Variants in PLEKHD1 observed in about 807,000 individuals in gnomAD.
PLEKHD1 encodes pleckstrin homology and coiled-coil domain containing D1.
Under a neutral mutation model 69.2 loss-of-function variants are expected in PLEKHD1, and 51 were observed. The ratio of observed to expected loss-of-function variants is 0.74; its 90% CI spans 0.59 to 0.93. The LOEUF (loss-of-function observed/expected upper bound fraction) is 0.93. Among genes scored for constraint, PLEKHD1 ranks in the 40% least tolerant of loss-of-function variants. The pLI, the probability that PLEKHD1 is intolerant of heterozygous loss-of-function variation, is 0.00. For missense variants in PLEKHD1, 584 were observed against 641.0 expected (o/e 0.91, Z 0.96); for synonymous variants, 236 against 244.7 (o/e 0.96, Z 0.33).
At chr14:69,488,952 TG>T (rs962624571) in intron 1 of PLEKHD1, among the ~76,000 whole-genome samples, 4 of 152,020 alleles carry the variant, frequency 2.6e-5, no homozygotes, top group Non-Finnish European at 5.9e-5. Flanking sequence ...AGTGAATCCT[TG>T]GGTTAGGGAG....
chr14:69,468,250 C>A, the PLEKHD1 span, among the ~76,000 whole-genome samples: 1 of 152,082 alleles, frequency 6.6e-6, no homozygotes, highest in Non-Finnish European at 1.5e-5. Context: ...AAAAGCAATA[C>A]AATGGAATAC....
At chr14:69,513,066 G>A (rs1883305244) in intron 6 of PLEKHD1, among the ~76,000 whole-genome samples, 1 of 151,606 alleles carries the variant, frequency 6.6e-6, no homozygotes. Context: ...CTGGATGACA[G>A]CAAGACCCTG....
chr14:69,517,645 C>G (rs1883414903), intron 6 of PLEKHD1, among the ~76,000 whole-genome samples: 1 of 152,130 alleles, frequency 6.6e-6, no homozygotes, highest in Non-Finnish European at 1.5e-5. Flanking sequence ...GTCAGCCTGT[C>G]CAGCTTCCCA....
chr14:69,498,353 A>G lies in PLEKHD1; in HGVS notation c.150-1762A>G, dbSNP rs561232557. On this transcript the variant is annotated intron_variant, in intron 1 of 12. Transcript: ENST00000322564. The stretch of plus-strand genomic sequence containing the variant: ...CTCAGCCTCCCAAAGTGCTGGGATT[A>G]CAGGTGTGAGCCATCGCACCCAGCC... 3.3e-5 allele frequency among the ~76,000 whole-genome samples: 5 copies of G among 152,168 alleles called. 1 individual carries two copies. The highest frequency in any genetic ancestry group is 1.2e-4 in the African/African-American group (5 of 41,514).
the PLEKHD1 span, among the ~76,000 whole-genome samples, chr14:69,477,817 C>T: frequency 6.6e-6 from 1 of 152,322 alleles, no homozygotes; most frequent in African/African-American, 2.4e-5. Flanking sequence ...GGGTACAGCC[C>T]CCCTCCTGGC....
At chr14:69,473,728 C>G in the PLEKHD1 span, among the ~76,000 whole-genome samples, 4 of 152,116 alleles carry the variant, frequency 2.6e-5, no homozygotes, top group Non-Finnish European at 5.9e-5. Flanking sequence ...AATTCAGGAG[C>G]CATCAGAGGA....
intron 6 of PLEKHD1, among the ~76,000 whole-genome samples, chr14:69,510,477 A>G (rs1303735555): frequency 1.3e-5 from 2 of 152,072 alleles, no homozygotes; most frequent in Non-Finnish European, 2.9e-5. Flanking sequence ...TTACATTTCA[A>G]ATTTCCACTG....
intron 6 of PLEKHD1, among the ~76,000 whole-genome samples, chr14:69,509,704 G>A (rs1883227846): frequency 6.6e-6 from 1 of 152,132 alleles, no homozygotes; most frequent in Non-Finnish European, 1.5e-5. Flanking sequence ...TTGGGAGGTC[G>A]AGGCGGGTGG....
intron 6 of PLEKHD1, among the ~76,000 whole-genome samples, chr14:69,509,955 G>A (rs1883235269): frequency 2.0e-5 from 3 of 151,932 alleles, no homozygotes; most frequent in African/African-American, 7.3e-5. Flanking sequence ...AAAAAGACTG[G>A]CTTTTCCAAT....
Position 69,530,650 on chromosome 14 carries a change from T to C in PLEKHD1, c.*2231T>C, listed in dbSNP as rs1196803420. 6.6e-6 allele frequency: 1 copy of C among 152,184 alleles called. No homozygotes were observed. The allele number at this position is 152,184 out of a possible 1,614,324, so 9.4% of individuals were successfully genotyped here. On this transcript the variant is annotated 3_prime_UTR_variant, in exon 13 of 13. Coordinates refer to ENST00000322564, the MANE Select transcript of PLEKHD1 (RefSeq NM_001161498.2). Reference sequence around the variant, plus strand: ...ACAGAATACCTGAGACTGGGTAATTTATAAGGAACAGAAATGTACTGGCTC... The same window carrying C: ...ACAGAATACCTGAGACTGGGTAATTCATAAGGAACAGAAATGTACTGGCTC...
chr14:69,476,156 G>A, the PLEKHD1 span, among the ~76,000 whole-genome samples: 1 of 151,348 alleles, frequency 6.6e-6, no homozygotes, highest in Admixed American at 6.6e-5. Context: ...TATTCCAGAG[G>A]CTGAGGCATG....
intron 7 of PLEKHD1, among the ~76,000 whole-genome samples, chr14:69,523,797 C>A (rs1013020713): frequency 6.6e-6 from 1 of 152,068 alleles, no homozygotes; most frequent in African/African-American, 2.4e-5. Context: ...AGTGTAAAAG[C>A]CTAAGGTGAC....
chr14:69,475,849 C>T, the PLEKHD1 span, among the ~76,000 whole-genome samples: 1 of 152,174 alleles, frequency 6.6e-6, no homozygotes, highest in African/African-American at 2.4e-5. Context: ...CCTGGGTTGC[C>T]CTGGGGGAAA....
At chr14:69,503,763 C>T (rs1221218171) in intron 6 of PLEKHD1, 1 of 147,424 alleles carries the variant, frequency 6.8e-6, no homozygotes, top group African/African-American at 2.5e-5. Context: ...TTTCGGGCAG[C>T]TGAGGCAGGA....
At chr14:69,474,137 T>G in the PLEKHD1 span, among the ~76,000 whole-genome samples, 370 of 152,244 alleles carry the variant, frequency 2.4e-3, 2 homozygotes, top group Non-Finnish European at 3.7e-3. Context: ...CAAGGGAAAT[T>G]CCAGGCACCT....
intron 1 of PLEKHD1, among the ~76,000 whole-genome samples, chr14:69,489,286 C>T (rs974856746): frequency 8.5e-5 from 13 of 152,068 alleles, no homozygotes; most frequent in South Asian, 2.1e-4. Flanking sequence ...AATCTAAGGC[C>T]GGGTGTGGTG....
At chr14:69,504,951 C>T (rs1414452208) in intron 6 of PLEKHD1, among the ~76,000 whole-genome samples, 2 of 152,230 alleles carry the variant, frequency 1.3e-5, no homozygotes, top group Non-Finnish European at 2.9e-5. Flanking sequence ...GTGGCAGACA[C>T]AGCCACTGGC....
the PLEKHD1 span, among the ~76,000 whole-genome samples, chr14:69,476,183 A>C: frequency 6.9e-6 from 1 of 145,630 alleles, no homozygotes; most frequent in African/African-American, 2.6e-5. Flanking sequence ...CCCTGAACCC[A>C]GGAGGTGGAA....
In PLEKHD1 at chr14:69,524,353, G is replaced by C. The variant is rs1287447437; in HGVS notation, c.744+31G>C. 7.2e-6 allele frequency: 11 copies of C among 1,533,664 alleles called. No individual in the cohort carries two copies. In the African/African-American group the frequency reaches 8.3e-5, roughly 12 times the overall value. On this transcript the variant is annotated intron_variant, in intron 8 of 12. Transcript: ENST00000322564. The stretch of plus-strand genomic sequence containing the variant: ...GGGCTGCTGGTGGGTTAGTTGACCA[G>C]GTGGCAGGCTGGTTGGTTGGACCAC...
Sources: allele counts gnomAD v4.1 joint callset (sites outside exome capture counted in the v4.1 genomes callset), GRCh38; gene constraint gnomAD v4.1.1; transcripts MANE v1.5; gene names NCBI Gene and HGNC (gene_info 2026-07-23, HGNC 2026-07-21).